PHACTR4: variants seen among roughly 807,000 people sequenced by gnomAD.
PHACTR4 encodes phosphatase and actin regulator 4, also known as protein phosphatase 1, regulatory subunit 124.
PHACTR4 carries 51 observed loss-of-function variants against 72.7 expected under a neutral mutation model. That is an observed-to-expected ratio of 0.70 (90% CI 0.56 to 0.89). The LOEUF (loss-of-function observed/expected upper bound fraction) is 0.89, where lower values mean the gene tolerates loss of function less well. Among genes scored for constraint, PHACTR4 ranks in the 40% least tolerant of loss-of-function variants. PHACTR4 has a pLI of 0.00. For missense variants in PHACTR4, 731 were observed against 861.8 expected, an observed-to-expected ratio of 0.85 and a Z score of 1.90; for synonymous variants, 255 against 302.5, an observed-to-expected ratio of 0.84 and a Z score of 1.63.
At chr1:28,443,929 G>A (rs1245869213) in intron 2 of PHACTR4, among the ~76,000 whole-genome samples, 13 of 151,892 alleles carry the variant, frequency 8.6e-5, no homozygotes, top group Non-Finnish European at 1.6e-4. Flanking sequence ...CCTTTCCTTT[G>A]GATATATTCC....
chr1:28,409,874 G>T (rs1466387514), intron 2 of PHACTR4, among the ~76,000 whole-genome samples: 2 of 146,620 alleles, frequency 1.4e-5, no homozygotes, highest in Non-Finnish European at 3.0e-5. Context: ...ATTATGCCTA[G>T]TTCATCAATT....
In PHACTR4 at chr1:28,480,604, G is replaced by A. The variant is rs147207733; in HGVS notation, c.1760G>A (p.Arg587Gln). ...IRHQIGNTLI[R>Q]RLSQRPTPEE... ...CACCAGATTGGAAACACACTGATCC[G>A]GTAGGCCTTTGCTTAGATTTGCTTG... The change falls in exon 9 of 14, where the codon CGG becomes CAG. Residue 587 changes from arginine to glutamine, a missense_variant and splice_region_variant. Around this residue, in one of 2 missense-constraint regions of PHACTR4, gnomAD observed 110 missense variants for 185.2 expected, o/e 0.59. Transcript: ENST00000373839. The A allele has an allele frequency of 2.0e-5, 32 of 1,613,962 alleles. No homozygotes were observed. In the East Asian group the frequency reaches 3.6e-4, roughly 18 times the overall value.
At chr1:28,412,729 G>A (rs930764541) in intron 2 of PHACTR4, among the ~76,000 whole-genome samples, 5 of 152,146 alleles carry the variant, frequency 3.3e-5, no homozygotes, top group African/African-American at 1.2e-4. Flanking sequence ...ACTTCTGAAA[G>A]GATCTCAGGG....
At chr1:28,418,919 C>G (rs542090415) in intron 2 of PHACTR4, among the ~76,000 whole-genome samples, 25 of 151,016 alleles carry the variant, frequency 1.7e-4, no homozygotes, top group Admixed American at 6.6e-4. Flanking sequence ...CCACTGCACA[C>G]CAGCCTGGGT....
intron 8 of PHACTR4, among the ~76,000 whole-genome samples, chr1:28,477,807 CT>C (rs1660018084): frequency 6.6e-6 from 1 of 152,098 alleles, no homozygotes; most frequent in Non-Finnish European, 1.5e-5. Flanking sequence ...CAACCTCAGC[CT>C]CCCAAGTAGC....
At chr1:28,404,345 C>T (rs1004722949) in intron 1 of PHACTR4, among the ~76,000 whole-genome samples, 25 of 142,694 alleles carry the variant, frequency 1.8e-4, no homozygotes, top group African/African-American at 5.9e-4. Context: ...TGCAGTGGCG[C>T]GATCTCAGCT....
intron 9 of PHACTR4, among the ~76,000 whole-genome samples, chr1:28,482,845 A>T (rs1189987693): frequency 6.6e-6 from 1 of 151,788 alleles, no homozygotes; most frequent in East Asian, 1.9e-4. Flanking sequence ...AAGCTTAGGT[A>T]GAAGGATCAC....
chr1:28,412,321 G>A (rs943167812), intron 2 of PHACTR4, among the ~76,000 whole-genome samples: 1 of 152,140 alleles, frequency 6.6e-6, no homozygotes, highest in Non-Finnish European at 1.5e-5. Flanking sequence ...AGTATTCCAT[G>A]AAGAAAACTG....
At chr1:28,473,275 C>CAAA (rs759485996) in intron 6 of PHACTR4, among the ~76,000 whole-genome samples, 5 of 82,274 alleles carry the variant, frequency 6.1e-5, no homozygotes, top group East Asian at 7.9e-4. Context: ...GACCCTGTCT[C>CAAA]AAAAAAAAAA....
Position 28,473,662 on chromosome 1 carries a change from C to A in PHACTR4, c.932C>A (p.Ala311Asp). 6.2e-7 allele frequency: 1 copy of A among 1,614,086 alleles called. No individual in the cohort carries two copies. Among genetic ancestry groups the A allele is most frequent in the Non-Finnish European group, 8.5e-7 (1 of 1,179,976 alleles). ...PSTSVPTLESAAAITTKTPSD... is the reference protein window; with the variant it reads ...PSTSVPTLESDAAITTKTPSD... ...ACCTCAGTACCCACCTTGGAGTCTGCTGCTGCCATCACCACAAAAACACCA... is the reference window on the plus strand; with the variant it reads ...ACCTCAGTACCCACCTTGGAGTCTGATGCTGCCATCACCACAAAAACACCA... Residue 311 changes from alanine (A) to aspartate (D), a missense_variant, in exon 7 of 14, where the codon GCT (alanine) becomes GAT (aspartate). Ala to Asp is a moderately radical substitution (Grantham distance 126, BLOSUM62 -2). Transcript: ENST00000373839.
chr1:28,422,814 G>GTC (rs1033529232), intron 2 of PHACTR4, among the ~76,000 whole-genome samples: 20 of 152,144 alleles, frequency 1.3e-4, no homozygotes, highest in African/African-American at 4.1e-4. Context: ...TTGAGACAGA[G>GTC]TCTCACTCTG....
chr1:28,373,575 C>T (rs1299082288), intron 1 of PHACTR4, among the ~76,000 whole-genome samples: 1 of 152,026 alleles, frequency 6.6e-6, no homozygotes, highest in African/African-American at 2.4e-5. Flanking sequence ...CAGGCGTCAG[C>T]CATCACGCCT....
intron 1 of PHACTR4, among the ~76,000 whole-genome samples, chr1:28,376,580 T>G (rs1651692266): frequency 6.6e-6 from 1 of 151,858 alleles, no homozygotes; most frequent in South Asian, 2.1e-4. Flanking sequence ...CCACCCGCCT[T>G]GGCCTCCCAA....
chr1:28,447,491 G>A (rs1363571056), intron 2 of PHACTR4, among the ~76,000 whole-genome samples: 1 of 151,474 alleles, frequency 6.6e-6, no homozygotes, highest in Non-Finnish European at 1.5e-5. Context: ...CTGGATTCAG[G>A]TGATTCTCCT....
intron 8 of PHACTR4, 87 bp downstream of exon 8, chr1:28,476,378 G>C: frequency 7.5e-7 from 1 of 1,334,242 alleles, no homozygotes; most frequent in Non-Finnish European, 1.0e-6. Flanking sequence ...AAGAGATATG[G>C]AAACAGGTAC....
At chr1:28,416,958 G>A (rs1046033239) in intron 2 of PHACTR4, among the ~76,000 whole-genome samples, 2 of 151,794 alleles carry the variant, frequency 1.3e-5, no homozygotes, top group Non-Finnish European at 2.9e-5. Context: ...GTACAAAGTT[G>A]GAAATATTCT....
At chr1:28,398,005 C>T (rs1025252639) in intron 1 of PHACTR4, among the ~76,000 whole-genome samples, 3 of 151,878 alleles carry the variant, frequency 2.0e-5, no homozygotes, top group African/African-American at 7.3e-5. Flanking sequence ...GAGCCACCGC[C>T]GCTGGCCTAA....
chr1:28,371,831 G>C (rs2124087053), intron 1 of PHACTR4, among the ~76,000 whole-genome samples: 1 of 151,952 alleles, frequency 6.6e-6, no homozygotes, highest in South Asian at 2.1e-4. Flanking sequence ...TTGGACTCCT[G>C]GGCTCAAGTG....
At chr1:28,443,661 C>T (rs540519191) in intron 2 of PHACTR4, among the ~76,000 whole-genome samples, 1 of 152,052 alleles carries the variant, frequency 6.6e-6, no homozygotes, top group Non-Finnish European at 1.5e-5. Context: ...CTTTCCCTGG[C>T]TGGTCTCAAA....
Sources: allele counts gnomAD v4.1 joint callset (sites outside exome capture counted in the v4.1 genomes callset), GRCh38; gene constraint gnomAD v4.1.1; regional missense constraint gnomAD v4.1.1; transcripts MANE v1.5; gene names NCBI Gene and HGNC (gene_info 2026-07-23, HGNC 2026-07-21).